NUP98: variants seen among roughly 807,000 people sequenced by gnomAD.
The protein encoded by NUP98 is nucleoporin 98 and 96 precursor, also known as nuclear pore complex protein Nup98-Nup96.
A neutral mutation model predicts 191.9 loss-of-function variants in NUP98; 26 were observed. That is an observed-to-expected ratio of 0.14 (90% CI 0.10 to 0.19). The LOEUF (loss-of-function observed/expected upper bound fraction) is 0.19, where lower values mean the gene tolerates loss of function less well. Ranked by LOEUF, NUP98 falls within the 10% of genes least tolerant of loss-of-function variation. The pLI is 1.00. For missense variants in NUP98, 1,941 were observed against 2,178.8 expected (o/e 0.89, Z 2.17); for synonymous variants, 808 against 778.4 (o/e 1.04, Z -0.63).
At chr11:3,685,516 A>G (rs1482355906) in intron 29 of NUP98, among the ~76,000 whole-genome samples, 1 of 152,222 alleles carries the variant, frequency 6.6e-6, no homozygotes. Flanking sequence ...TGGGATTCAG[A>G]AAAGAGCCCA....
rs118023591 is a variant in NUP98, at chr11:3,676,345, G to T, written c.5217C>A (p.Arg1739=). The stretch of plus-strand genomic sequence containing the variant: ...GAGGATGATGCAGACTCAGCACCAC[G>T]CGCAGCAGGTTGGCTACACGTTTGG... The part of the protein sequence containing the change: ...DMAKRVANLL[R]VVLSLHHPPD... Residue 1739 remains arginine, a synonymous_variant, in exon 33 of 33, where the codon CGC becomes CGA. Coordinates refer to ENST00000324932, the MANE Select transcript of NUP98 (RefSeq NM_016320.5). The T allele has an allele frequency of 6.2e-7, 1 of 1,613,908 alleles. No homozygotes were observed. Among genetic ancestry groups the T allele is most frequent in the East Asian group, 2.2e-5 (1 of 44,888 alleles).
intron 11 of NUP98, among the ~76,000 whole-genome samples, chr11:3,749,718 GAACT>G (rs1017194257): frequency 1.3e-5 from 2 of 151,456 alleles, no homozygotes; most frequent in Non-Finnish European, 2.9e-5. Context: ...TATGAACAGA[GAACT>G]GACTTAAATG....
intron 18 of NUP98, among the ~76,000 whole-genome samples, chr11:3,717,959 C>T (rs370477227): frequency 1.3e-5 from 2 of 152,110 alleles, no homozygotes; most frequent in East Asian, 1.9e-4. Flanking sequence ...CCTTTCAATA[C>T]GCTGTTAAAT....
chr11:3,749,427 C>T (rs1041722586), intron 11 of NUP98, among the ~76,000 whole-genome samples: 1 of 152,192 alleles, frequency 6.6e-6, no homozygotes, highest in Non-Finnish European at 1.5e-5. Flanking sequence ...GAGTTCGACA[C>T]CAGCCTGGCC....
rs1339250663 is a variant in NUP98 at position 3,768,753 on chromosome 11, A to G, written c.785-9T>C. On this transcript the variant is annotated splice_polypyrimidine_tract_variant and intron_variant, in intron 7 of 32. Transcript: ENST00000324932. ...TCCAAATCCAGTTGTACCTTTTAGG[A>G]AAAAGAAAAAAAAAAGAAAAAAGAA... is the stretch of plus-strand genomic sequence containing the variant. The G allele has an allele frequency of 1.1e-6, 1 of 897,004 alleles. No homozygotes were observed. Among genetic ancestry groups the G allele is most frequent in the Non-Finnish European group, 1.4e-6 (1 of 704,562 alleles). The allele number at this position is 897,004 out of a possible 1,614,324, so 55.6% of individuals were successfully genotyped here. A position where few individuals can be genotyped will look rare whatever the true frequency, so the allele number is the denominator to read the frequency against.
At chr11:3,780,533 C>G (rs1183261778) in intron 2 of NUP98, among the ~76,000 whole-genome samples, 1 of 104,012 alleles carries the variant, frequency 9.6e-6, no homozygotes, top group Non-Finnish European at 1.8e-5. Flanking sequence ...CAGAGCGAGA[C>G]TCCATCTCAA....
chr11:3,709,035 T>C lies in NUP98; in HGVS notation c.2743-2408A>G, dbSNP rs541261534. On this transcript the variant is annotated intron_variant, in intron 20 of 32. Transcript: ENST00000324932. Reference sequence around the variant, plus strand: ...AGATCTCTCAAAAGACTGTTCCTCATTGAAACAAGGCTGCCAATACCTAAC... The same window carrying C: ...AGATCTCTCAAAAGACTGTTCCTCACTGAAACAAGGCTGCCAATACCTAAC... Among the ~76,000 whole-genome samples, 412 of 152,306 alleles carry C rather than the reference T, an allele frequency of 2.7e-3. 1 individual carries two copies. The highest frequency in any genetic ancestry group is 3.5e-3 in the Non-Finnish European group (239 of 68,036).
chr11:3,702,815 G>C lies in NUP98; in HGVS notation c.3160C>G (p.Pro1054Ala). Reference sequence around the variant, plus strand: ...ATATTCATTAAAGATGCTGCTCTGGGAGTACGACATTCTTGCACAGAGACA... The same window carrying C: ...ATATTCATTAAAGATGCTGCTCTGGCAGTACGACATTCTTGCACAGAGACA... ...PSVSVQECRTPRAASLMNIPS... is the reference protein window; with the variant it reads ...PSVSVQECRTARAASLMNIPS... Residue 1054 changes from proline (P) to alanine (A), a missense_variant, in exon 23 of 33, where the codon CCC (proline) becomes GCC (alanine). Pro to Ala is a conservative substitution (Grantham distance 27). Coordinates refer to ENST00000324932, the MANE Select transcript of NUP98 (RefSeq NM_016320.5). 1.9e-6 allele frequency: 3 copies of C among 1,614,148 alleles called. No homozygotes were observed. The highest frequency in any genetic ancestry group is 1.7e-6 in the Non-Finnish European group (2 of 1,180,018).
intron 26 of NUP98, 89 bp from the exon 27 acceptor site, chr11:3,693,464 C>T: frequency 7.9e-7 from 1 of 1,265,508 alleles, no homozygotes; most frequent in East Asian, 2.4e-5. Flanking sequence ...TTCACTTATT[C>T]AAGGAACATT....
At chr11:3,790,917 A>G (rs2082312943) in intron 1 of NUP98, among the ~76,000 whole-genome samples, 2 of 140,930 alleles carry the variant, frequency 1.4e-5, no homozygotes, top group Non-Finnish European at 1.5e-5. Context: ...TTTTTTTGAG[A>G]CAGAGTCTGG....
At chr11:3,746,917 A>G (rs1455763853) in intron 11 of NUP98, among the ~76,000 whole-genome samples, 2 of 151,784 alleles carry the variant, frequency 1.3e-5, no homozygotes, top group African/African-American at 4.8e-5. Flanking sequence ...CAGTCTCAAA[A>G]AAAAAAAAAA....
At chr11:3,764,009 A>T (rs2134536935) in intron 8 of NUP98, among the ~76,000 whole-genome samples, 1 of 152,358 alleles carries the variant, frequency 6.6e-6, no homozygotes, top group East Asian at 1.9e-4. Context: ...CACAATTCAA[A>T]CATCATAAAA....
rs755816362 is a variant in NUP98, at chr11:3,729,715, C to CAAAAA, written c.1730+1671_1730+1675dup. On this transcript the variant is annotated intron_variant, in intron 14 of 32. Coordinates refer to ENST00000324932, the MANE Select transcript of NUP98 (RefSeq NM_016320.5). ...GGGCAATGGCATAAGACTCTTGCCT[C>CAAAAA]AAAAAAAAAAAAAAAAAAAAAAAAA... Among the ~76,000 whole-genome samples, 21 of 37,410 alleles carry CAAAAA rather than the reference C, an allele frequency of 5.6e-4. 1 individual carries two copies. The highest frequency in any genetic ancestry group is 1.6e-3 in the East Asian group (2 of 1,282). 24.5% of individuals were successfully genotyped at this position (37,410 alleles called of 152,430 possible). A position where few individuals can be genotyped will look rare whatever the true frequency, so the allele number is the denominator to read the frequency against.
chr11:3,691,978 T>C (rs1278012975), intron 27 of NUP98, among the ~76,000 whole-genome samples: 2 of 152,104 alleles, frequency 1.3e-5, no homozygotes, highest in East Asian at 3.9e-4. Context: ...TTGAGCCAAG[T>C]AGTTCAAGAC....
At chr11:3,736,656 T>A (rs1337502559) in intron 12 of NUP98, among the ~76,000 whole-genome samples, 1 of 152,204 alleles carries the variant, frequency 6.6e-6, no homozygotes, top group Non-Finnish European at 1.5e-5. Context: ...GTTGTAAACA[T>A]CATGACACAT....
chr11:3,748,353 C>G (rs1203207958), intron 11 of NUP98, among the ~76,000 whole-genome samples: 1 of 152,258 alleles, frequency 6.6e-6, no homozygotes, highest in South Asian at 2.1e-4. Context: ...ATCACGAGGT[C>G]AGGAGTTCCA....
At chr11:3,700,374 T>C (rs2078640647) in intron 24 of NUP98, among the ~76,000 whole-genome samples, 1 of 152,190 alleles carries the variant, frequency 6.6e-6, no homozygotes, top group African/African-American at 2.4e-5. Context: ...GGATTTGACT[T>C]GCTACAGTTC....
intron 12 of NUP98, 136 bp from the exon 13 acceptor site, chr11:3,735,460 G>A: frequency 2.7e-6 from 1 of 369,510 alleles, no homozygotes; most frequent in Admixed American, 4.5e-5. Flanking sequence ...GTATCATTGG[G>A]GCAGAATGTG....
chr11:3,788,936 A>C (rs2133976725), intron 1 of NUP98, among the ~76,000 whole-genome samples: 1 of 152,364 alleles, frequency 6.6e-6, no homozygotes, highest in South Asian at 2.1e-4. Context: ...AACAACAGTG[A>C]AACTCCATCT....
Sources: gnomAD v4.1 joint callset for allele counts (sites outside exome capture counted in the v4.1 genomes callset) on GRCh38, gnomAD v4.1.1 for gene constraint, MANE v1.5 for transcripts, NCBI Gene and HGNC (gene_info 2026-07-23, HGNC 2026-07-21) for gene names.